RBM19: variants seen among roughly 807,000 people sequenced by gnomAD.
RBM19 encodes RNA binding motif protein 19, also known as probable RNA-binding protein 19.
RBM19 carries 94 observed loss-of-function variants against 116.8 expected under a neutral mutation model. That is an observed-to-expected ratio of 0.80 (90% CI 0.68 to 0.95). The LOEUF is 0.95. RBM19 is among the 40% of genes least tolerant of loss of function. The pLI is 0.00. For synonymous variants in RBM19, 475 were observed against 494.1 expected, an observed-to-expected ratio of 0.96 and a Z score of 0.51; for missense variants, 1,161 against 1,220.7, an observed-to-expected ratio of 0.95 and a Z score of 0.73.
At chr12:113,966,088 G>T in intron 1 of RBM19, 104 bp downstream of exon 1, 1 of 1,429,468 alleles carries the variant, frequency 7.0e-7, no homozygotes, top group Non-Finnish European at 9.8e-7. Context: ...CCGGAGTCCT[G>T]CCCCAGAGCA....
At chr12:113,944,098 T>G (rs1032321494) in intron 13 of RBM19, among the ~76,000 whole-genome samples, 1 of 131,948 alleles carries the variant, frequency 7.6e-6, no homozygotes, top group Non-Finnish European at 1.6e-5. Flanking sequence ...TGCATGTTTT[T>G]TTTTTTTTTT....
chr12:113,935,424 T>C (rs1869969513), intron 16 of RBM19, among the ~76,000 whole-genome samples: 1 of 152,194 alleles, frequency 6.6e-6, no homozygotes, highest in Non-Finnish European at 1.5e-5. Flanking sequence ...AATTTTGTTT[T>C]GATGGGAACA....
chr12:113,900,637 C>A (rs1229174802), intron 21 of RBM19, among the ~76,000 whole-genome samples: 1 of 152,152 alleles, frequency 6.6e-6, no homozygotes, highest in Non-Finnish European at 1.5e-5. Flanking sequence ...TTTTTTTCCA[C>A]GTGGAAAATC....
At chr12:113,950,254 G>T in intron 8 of RBM19, 100 bp from the exon 9 acceptor site, 1 of 945,958 alleles carries the variant, frequency 1.1e-6, no homozygotes, top group Non-Finnish European at 1.6e-6. Flanking sequence ...CAGAAAGTGA[G>T]GGAGAAACCT....
chr12:113,843,814 G>A (rs993400119), intron 23 of RBM19, among the ~76,000 whole-genome samples: 6 of 152,160 alleles, frequency 3.9e-5, no homozygotes, highest in Non-Finnish European at 8.8e-5. Flanking sequence ...TCTTGGAGAA[G>A]ACGAGGCCCT....
intron 22 of RBM19, among the ~76,000 whole-genome samples, chr12:113,856,869 A>C (rs1003438665): frequency 2.0e-5 from 3 of 152,196 alleles, no homozygotes; most frequent in African/African-American, 7.2e-5. Context: ...AAATATGGAA[A>C]ACCCTGTGAC....
chr12:113,943,948 G>A (rs1246514703), intron 13 of RBM19, among the ~76,000 whole-genome samples: 1 of 151,954 alleles, frequency 6.6e-6, no homozygotes, highest in African/African-American at 2.4e-5. Flanking sequence ...TACACATGTG[G>A]CTCACATTCC....
rs139578414 is a variant in RBM19 at position 113,959,392 on chromosome 12, T to C, written c.391A>G (p.Thr131Ala). 98 of 1,603,318 alleles carry C rather than the reference T, an allele frequency of 6.1e-5. 2 individuals carry two copies. The Middle Eastern group carries it at 9.0e-3, about 146-fold the overall frequency. ...AGQLEKLKED[T>A]EFQEFLSVHQ... is the part of the protein sequence containing the mutation. ...ACTGACAGAAACTCCTGGAACTCTG[T>C]ATCCTCCTTCAGCTGGTGGCACCAG... Residue 131 changes from threonine to alanine, a missense_variant, in exon 5 of 24, where the codon ACA (threonine) becomes GCA (alanine). Coordinates refer to ENST00000261741, the MANE Select transcript of RBM19 (RefSeq NM_016196.4).
At chr12:113,958,397 G>T (rs1872164045) in intron 5 of RBM19, among the ~76,000 whole-genome samples, 1 of 152,066 alleles carries the variant, frequency 6.6e-6, no homozygotes, top group Admixed American at 6.6e-5. Flanking sequence ...GAATGCTCAG[G>T]GTGAAATCCA....
intron 23 of RBM19, among the ~76,000 whole-genome samples, chr12:113,824,186 A>G (rs1874661474): frequency 6.6e-6 from 1 of 152,204 alleles, no homozygotes; most frequent in Admixed American, 6.5e-5. Context: ...GGCAGGTGGT[A>G]TGCTGCCTCT....
chr12:113,888,961 C>T (rs867549567), intron 21 of RBM19, among the ~76,000 whole-genome samples: 8 of 152,168 alleles, frequency 5.3e-5, no homozygotes, highest in South Asian at 4.1e-4. Flanking sequence ...CTCTTCTGGA[C>T]GTCGCAATGA....
Position 113,823,173 on chromosome 12 carries a change from G to C in RBM19, c.*51C>G. On this transcript the variant is annotated 3_prime_UTR_variant, in exon 24 of 24. Transcript: ENST00000261741. ...TGGTGGTGAGTGCAGAAGCTGGAGC[G>C]GCTGTCCCGGTCCCCAGGGCCCCGG... 6.5e-7 allele frequency: 1 copy of C among 1,534,148 alleles called. No individual in the cohort carries two copies. Among genetic ancestry groups the C allele is most frequent in the Non-Finnish European group, 8.9e-7 (1 of 1,123,450 alleles).
At chr12:113,878,780 G>A (rs1008790711) in intron 21 of RBM19, among the ~76,000 whole-genome samples, 2 of 139,908 alleles carry the variant, frequency 1.4e-5, no homozygotes, top group African/African-American at 2.7e-5. Context: ...CCATAGCCAA[G>A]GCATGCAACT....
rs771487068 is a variant in RBM19 at position 113,946,481 on chromosome 12, T to A, written c.1408-6A>T. ...AACACGTGGAGCATCCTGCCCTGGA[T>A]GGGAATGACGGGAAGGGAGTAAACA... On this transcript the variant is annotated splice_polypyrimidine_tract_variant and splice_region_variant and intron_variant, in intron 11 of 23. Coordinates refer to ENST00000261741, the MANE Select transcript of RBM19 (RefSeq NM_016196.4). The A allele has an allele frequency of 5.0e-6, 8 of 1,614,110 alleles. No homozygotes were observed. The highest frequency in any genetic ancestry group is 6.8e-6 in the Non-Finnish European group (8 of 1,180,000).
In RBM19 at chr12:113,939,768, C is replaced by T. The variant is rs547494332; in HGVS notation, c.1938+192G>A. On this transcript the variant is annotated intron_variant, in intron 15 of 23. Transcript: ENST00000261741. ...CTGTCTCAAAAAAAAAAAAGAACTTCCGTCTCCCATTCTTCCCATCCAGAC... is the reference window on the plus strand; with the variant it reads ...CTGTCTCAAAAAAAAAAAAGAACTTTCGTCTCCCATTCTTCCCATCCAGAC... 1.4e-4 allele frequency among the ~76,000 whole-genome samples: 21 copies of T among 151,958 alleles called. 1 individual carries two copies. In the South Asian group the frequency reaches 4.4e-3, roughly 32 times the overall value.
At chr12:113,889,194 C>T (rs922857176) in intron 21 of RBM19, among the ~76,000 whole-genome samples, 1 of 152,222 alleles carries the variant, frequency 6.6e-6, no homozygotes, top group African/African-American at 2.4e-5. Context: ...CCCTGGCTTC[C>T]ATCCACTAGA....
chr12:113,870,617 A>G (rs1378546121), intron 21 of RBM19, among the ~76,000 whole-genome samples: 1 of 152,172 alleles, frequency 6.6e-6, no homozygotes, highest in Non-Finnish European at 1.5e-5. Flanking sequence ...AAGATCTTAC[A>G]AATACAGGGA....
intron 18 of RBM19, among the ~76,000 whole-genome samples, chr12:113,922,214 G>T (rs530524568): frequency 1.3e-5 from 2 of 152,282 alleles, no homozygotes; most frequent in African/African-American, 4.8e-5. Context: ...CCCACTTCCT[G>T]GACATCCCTG....
intron 21 of RBM19, among the ~76,000 whole-genome samples, chr12:113,893,103 C>A (rs893983362): frequency 2.0e-5 from 3 of 151,330 alleles, no homozygotes; most frequent in African/African-American, 7.3e-5. Flanking sequence ...GCAATCATGG[C>A]TCACAGCAGC....
Sources: gnomAD v4.1 joint callset for allele counts (sites outside exome capture counted in the v4.1 genomes callset) on GRCh38, gnomAD v4.1.1 for gene constraint, MANE v1.5 for transcripts, NCBI Gene and HGNC (gene_info 2026-07-23, HGNC 2026-07-21) for gene names.